TREH: variants seen among roughly 807,000 people sequenced by gnomAD.
TREH encodes the protein trehalase.
A neutral mutation model predicts 80.5 loss-of-function variants in TREH; 69 were observed. That is an observed-to-expected ratio of 0.86 (90% CI 0.71 to 1.05). TREH has a LOEUF of 1.05. Among genes scored for constraint, TREH ranks in the 50% least tolerant of loss-of-function variants. The pLI is 0.00. For synonymous variants in TREH, 309 were observed against 293.5 expected (o/e 1.05, Z -0.54); for missense variants, 716 against 718.8 (o/e 1.00, Z 0.04).
Position 118,663,369 on chromosome 11 carries a change from A to G in TREH, c.160T>C (p.Phe54Leu), listed in dbSNP as rs138607923. Residue 54 changes from phenylalanine to leucine, a missense_variant, in exon 2 of 15, where the codon TTT becomes CTT. Transcript: ENST00000264029. ...MAKLYQDDKQ[F>L]VDMPLSIAPE... ...GCTATAGACAGTGGCATGTCCACAA[A>G]CTGCTTGTCATCCTGGTAGAGCTTG... is the stretch of plus-strand genomic sequence containing the variant. 95 of 1,597,114 alleles carry G rather than the reference A, an allele frequency of 5.9e-5. 1 individual carries two copies. In the African/African-American group the frequency reaches 1.2e-3, roughly 19 times the overall value.
At chr11:118,672,933 A>G (rs1364488778) in intron 1 of TREH, among the ~76,000 whole-genome samples, 1 of 152,102 alleles carries the variant, frequency 6.6e-6, no homozygotes, top group Non-Finnish European at 1.5e-5. Flanking sequence ...AGAAAATGGT[A>G]TAGTCATACC....
At chr11:118,670,370 C>A (rs976021307) in intron 1 of TREH, among the ~76,000 whole-genome samples, 3 of 152,198 alleles carry the variant, frequency 2.0e-5, no homozygotes, top group Non-Finnish European at 4.4e-5. Context: ...TACAACAGTC[C>A]AGTCCCTAGC....
At chr11:118,665,792 G>A (rs945895206) in intron 1 of TREH, among the ~76,000 whole-genome samples, 2 of 152,214 alleles carry the variant, frequency 1.3e-5, no homozygotes, top group African/African-American at 4.8e-5. Flanking sequence ...GGTCAAGATA[G>A]CCCACTAGTT....
chr11:118,660,368 G>A (rs1447675490), intron 10 of TREH, among the ~76,000 whole-genome samples, 171 bp downstream of exon 10: 4 of 152,170 alleles, frequency 2.6e-5, no homozygotes, highest in East Asian at 1.9e-4. Flanking sequence ...GGTTGGCTCC[G>A]TTTGTTCTCT....
rs889235927 is a variant in TREH at position 118,679,638 on chromosome 11, A to T, written c.-11T>A. ...GGTCCTCCCTGGCATGGTGGCTGTG[A>T]CTGTGACTGAATGAGCAAGCCCAGG... On this transcript the variant is annotated 5_prime_UTR_variant, in exon 1 of 15. Coordinates refer to ENST00000264029, the MANE Select transcript of TREH (RefSeq NM_007180.3). 6.7e-6 allele frequency: 10 copies of T among 1,485,848 alleles called. No individual in the cohort carries two copies. Among genetic ancestry groups the T allele is most frequent in the Non-Finnish European group, 8.1e-6 (9 of 1,111,970 alleles). 92.0% of individuals were successfully genotyped at this position (1,485,848 alleles called of 1,614,324 possible). A position where few individuals can be genotyped will look rare whatever the true frequency, so the allele number is the denominator to read the frequency against.
At chr11:118,677,541 TG>T (rs1409203485) in intron 1 of TREH, among the ~76,000 whole-genome samples, 2 of 152,086 alleles carry the variant, frequency 1.3e-5, no homozygotes, top group Non-Finnish European at 1.5e-5. Context: ...CTTGCCAACA[TG>T]GCAACACCTC....
chr11:118,679,199 T>G (rs656575), intron 1 of TREH, among the ~76,000 whole-genome samples: 53,102 of 151,694 alleles, frequency 0.35, 9,600 homozygotes, highest in Admixed American at 0.48. Context: ...AGGCTGGGCG[T>G]GGTGGTGCAT....
At position 118,662,863 on chromosome 11, in the gene TREH, G is replaced by GTGATCA. The variant is rs1555145231; in HGVS notation, c.423+17_423+18insTGATCA. ...AGTTCCCTTGGTCAGGCCTTGGGCA[G>GTGATCA]GCCCAGGACGCTGATACCTTCTTCC... is the stretch of plus-strand genomic sequence containing the variant. On this transcript the variant is annotated intron_variant, in intron 4 of 14. Coordinates refer to ENST00000264029, the MANE Select transcript of TREH (RefSeq NM_007180.3). 6 of 1,562,452 alleles carry GTGATCA rather than the reference G, an allele frequency of 3.8e-6. No individual in the cohort carries two copies. The highest frequency in any genetic ancestry group is 5.2e-6 in the Non-Finnish European group (6 of 1,152,970).
chr11:118,669,228 C>G (rs782148707), intron 1 of TREH, among the ~76,000 whole-genome samples: 9 of 152,076 alleles, frequency 5.9e-5, no homozygotes, highest in Non-Finnish European at 1.3e-4. Context: ...AAAAGGAAAC[C>G]CTCATACACT....
At chr11:118,673,137 G>A (rs1481868353) in intron 1 of TREH, among the ~76,000 whole-genome samples, 2 of 152,184 alleles carry the variant, frequency 1.3e-5, no homozygotes, top group Non-Finnish European at 2.9e-5. Flanking sequence ...GATAGCACAT[G>A]CTTCAACTGC....
chr11:118,658,301 G>A lies in TREH; in HGVS notation c.1740C>T (p.Leu580=), dbSNP rs1555143673. The change falls in exon 15 of 15, where the codon CTC becomes CTT. Residue 580 remains leucine (L), a synonymous_variant. Coordinates refer to ENST00000264029, the MANE Select transcript of TREH (RefSeq NM_007180.3). ...ATLLPSLLLS[L]LPW is the part of the protein sequence containing the mutation. ...GAGAGGAGGGCTGTCACCATGGCAG[G>A]AGGCTGAGCAGGAGGCTGGGCAGAA... 4 of 1,587,162 alleles carry A rather than the reference G, an allele frequency of 2.5e-6. No homozygotes were observed. In the Admixed American group the frequency reaches 5.4e-5, roughly 22 times the overall value.
chr11:118,662,923 C>T lies in TREH; in HGVS notation c.381G>A (p.Trp127Ter). 6.2e-7 allele frequency: 1 copy of T among 1,608,626 alleles called. No individual in the cohort carries two copies. The highest frequency in any genetic ancestry group is 8.5e-7 in the Non-Finnish European group (1 of 1,177,460). Reference protein sequence around the residue: ...QKISDAKLRAWAGQLHQLWKK... With the variant: ...QKISDAKLRA ...TCCAGAGCTGATGCAGCTGCCCTGC[C>T]CAGGCACGCAGTTTGGCATCTGAAA... Residue 127 changes from tryptophan (W) to a stop codon, truncating the protein, a stop_gained, in exon 4 of 15, where the codon TGG becomes TGA. Coordinates refer to ENST00000264029, the MANE Select transcript of TREH (RefSeq NM_007180.3). LOFTEE classifies it high-confidence loss of function.
chr11:118,669,351 A>G (rs1949410086), intron 1 of TREH, among the ~76,000 whole-genome samples: 1 of 152,244 alleles, frequency 6.6e-6, no homozygotes, highest in Non-Finnish European at 1.5e-5. Context: ...TAGATATATG[A>G]CCAAAAGAAA....
At chr11:118,658,884 G>C (rs548679723) in intron 13 of TREH, 21 bp downstream of exon 13, 1 of 1,613,336 alleles carries the variant, frequency 6.2e-7, no homozygotes, top group Non-Finnish European at 8.5e-7. Flanking sequence ...GGGGGTGCAG[G>C]GAGGGCTTGG....
chr11:118,660,295 C>A (rs1319647398), intron 10 of TREH, among the ~76,000 whole-genome samples: 1 of 152,130 alleles, frequency 6.6e-6, no homozygotes, highest in African/African-American at 2.4e-5. Context: ...GATGCGTGGA[C>A]TAGGGTTCCC....
At chr11:118,662,072 C>T (rs371694529) in intron 4 of TREH, 82 bp from the exon 5 acceptor site, 63 of 1,130,740 alleles carry the variant, frequency 5.6e-5, no homozygotes, top group East Asian at 1.8e-4. Flanking sequence ...TCTGAGGCCC[C>T]GGGAGTCACA....
chr11:118,667,835 A>G (rs1949392440), intron 1 of TREH, among the ~76,000 whole-genome samples: 2 of 151,998 alleles, frequency 1.3e-5, no homozygotes, highest in Admixed American at 1.3e-4. Context: ...TATTAATCCT[A>G]TTTTTATCAC....
In TREH at chr11:118,661,322, C is replaced by A. The variant is rs1355483828; in HGVS notation, c.735-40G>T. The A allele has an allele frequency of 6.2e-7, 1 of 1,613,942 alleles. No homozygotes were observed. Among genetic ancestry groups the A allele is most frequent in the East Asian group, 2.2e-5 (1 of 44,882 alleles). On this transcript the variant is annotated intron_variant, in intron 7 of 14. Transcript: ENST00000264029. The surrounding 1 kb of genome is among the most constrained non-coding windows in gnomAD (Gnocchi z 4.2). ...ACAACACCTCAGCCCAGGCGTGCTG[C>A]CCATCCCCAGCCCTGAGAGGTCTGA...
intron 1 of TREH, among the ~76,000 whole-genome samples, chr11:118,679,124 CCCAGCACAGTCG>C (rs1379251834): frequency 2.0e-5 from 3 of 152,136 alleles, no homozygotes; most frequent in Non-Finnish European, 4.4e-5. Context: ...CGCTTGTATT[CCCAGCACAGTCG>C]CCAAGCCTAA....
Sources: gnomAD v4.1 joint callset for allele counts (sites outside exome capture counted in the v4.1 genomes callset) on GRCh38, gnomAD v4.1.1 for gene constraint, Gnocchi (gnomAD v3.1) non-coding constraint, MANE v1.5 for transcripts, NCBI Gene and HGNC (gene_info 2026-07-23, HGNC 2026-07-21) for gene names.